Variants in PABPC4L observed in about 807,000 individuals in gnomAD.
PABPC4L encodes polyadenylate-binding protein 4-like.
For synonymous variants in PABPC4L, 169 were observed against 164.1 expected (o/e 1.03, Z -0.23); for missense variants, 452 against 451.4 (o/e 1.00, Z -0.01).
the PABPC4L span, among the ~76,000 whole-genome samples, chr4:133,986,934 G>C: frequency 2.0e-5 from 3 of 151,762 alleles, no homozygotes; most frequent in Admixed American, 2.0e-4. Flanking sequence ...TGGGGTTTTG[G>C]TATGTTGGCC....
At chr4:133,961,998 G>A in the PABPC4L span, among the ~76,000 whole-genome samples, 1 of 152,150 alleles carries the variant, frequency 6.6e-6, no homozygotes, top group Non-Finnish European at 1.5e-5. Flanking sequence ...CCGCCATCTT[G>A]GAAGCAGCCT....
At chr4:134,135,336 A>T in the PABPC4L span, among the ~76,000 whole-genome samples, 1 of 151,932 alleles carries the variant, frequency 6.6e-6, no homozygotes, top group African/African-American at 2.4e-5. Flanking sequence ...AAATACTCAA[A>T]TTGTCCTTTG....
At chr4:134,043,441 A>C in the PABPC4L span, among the ~76,000 whole-genome samples, 435 of 152,248 alleles carry the variant, frequency 2.9e-3, 4 homozygotes, top group African/African-American at 9.9e-3. Flanking sequence ...GAAATTTGCC[A>C]CATCAGGTGG....
the PABPC4L span, among the ~76,000 whole-genome samples, chr4:134,106,994 C>G: frequency 6.6e-6 from 1 of 151,284 alleles, no homozygotes; most frequent in Non-Finnish European, 1.5e-5. Flanking sequence ...GTATACTAAA[C>G]TAAGTGGAGA....
At chr4:134,191,721 C>T (rs959958672), downstream of PABPC4L, among the ~76,000 whole-genome samples, 24 of 151,682 alleles carry the variant, frequency 1.6e-4, no homozygotes, top group African/African-American at 5.8e-4. Flanking sequence ...ATTGGTTGAC[C>T]CTAAAGCCGT....
the PABPC4L span, among the ~76,000 whole-genome samples, chr4:134,094,005 A>G: frequency 6.6e-6 from 1 of 151,756 alleles, no homozygotes; most frequent in African/African-American, 2.4e-5. Context: ...TTTCCTTTCA[A>G]CTTTCAATCA....
chr4:134,065,521 A>G, the PABPC4L span, among the ~76,000 whole-genome samples: 1 of 151,958 alleles, frequency 6.6e-6, no homozygotes, highest in Non-Finnish European at 1.5e-5. Context: ...AATTAAACAA[A>G]TTTATATTTA....
the PABPC4L span, among the ~76,000 whole-genome samples, chr4:134,179,184 G>T: frequency 6.6e-6 from 1 of 152,020 alleles, no homozygotes; most frequent in Non-Finnish European, 1.5e-5. Flanking sequence ...AATCCCATCG[G>T]GCAAACAGCA....
the PABPC4L span, among the ~76,000 whole-genome samples, chr4:134,065,491 G>T: frequency 1.3e-5 from 2 of 151,580 alleles, no homozygotes; most frequent in Non-Finnish European, 3.0e-5. Context: ...CCTTTGTCTA[G>T]TATCCAAAAT....
chr4:134,050,202 A>G, the PABPC4L span, among the ~76,000 whole-genome samples: 1 of 152,160 alleles, frequency 6.6e-6, no homozygotes, highest in Admixed American at 6.6e-5. Context: ...AGGGACAGCT[A>G]GGGACAGGTT....
Position 134,201,234 on chromosome 4 carries a change from G to C in PABPC4L, c.-215C>G. 1 of 1,535,102 alleles carries C rather than the reference G, an allele frequency of 6.5e-7. No homozygotes were observed. Among genetic ancestry groups the C allele is most frequent in the Non-Finnish European group, 8.8e-7 (1 of 1,138,474 alleles). On this transcript the variant is annotated 5_prime_UTR_variant, in exon 2 of 2. Coordinates refer to ENST00000421491, the MANE Select transcript of PABPC4L (RefSeq NM_001114734.2). ...GCCACCAATCTGGCCCTCCTAGGACGCGGCAACAGAACTGTGAAATCGCAA... is the reference window on the plus strand; with the variant it reads ...GCCACCAATCTGGCCCTCCTAGGACCCGGCAACAGAACTGTGAAATCGCAA...
At chr4:134,183,376 C>T in the PABPC4L span, among the ~76,000 whole-genome samples, 988 of 151,528 alleles carry the variant, frequency 6.5e-3, 10 homozygotes, top group African/African-American at 0.022. Flanking sequence ...GGATATCGTA[C>T]GTTCTCACTT....
the PABPC4L span, among the ~76,000 whole-genome samples, chr4:133,993,030 T>C: frequency 6.6e-6 from 1 of 152,110 alleles, no homozygotes; most frequent in African/African-American, 2.4e-5. Flanking sequence ...CATAAGCATA[T>C]CCTCTTTCCC....
chr4:134,050,784 G>A, the PABPC4L span, among the ~76,000 whole-genome samples: 1 of 145,682 alleles, frequency 6.9e-6, no homozygotes, highest in Admixed American at 6.9e-5. Flanking sequence ...TAATAACAAA[G>A]GTTCAGATGT....
chr4:133,979,610 T>C, the PABPC4L span, among the ~76,000 whole-genome samples: 1 of 152,126 alleles, frequency 6.6e-6, no homozygotes, highest in Admixed American at 6.6e-5. Context: ...TGATATGGCC[T>C]GAAATTATCA....
At chr4:134,109,177 T>A in the PABPC4L span, among the ~76,000 whole-genome samples, 1 of 152,006 alleles carries the variant, frequency 6.6e-6, no homozygotes, top group Non-Finnish European at 1.5e-5. Flanking sequence ...TATCATAAGA[T>A]TTTCTTTAAA....
At chr4:134,188,019 T>G in the PABPC4L span, among the ~76,000 whole-genome samples, 1 of 152,172 alleles carries the variant, frequency 6.6e-6, no homozygotes, top group Admixed American at 6.6e-5. Context: ...TTTCTAACTT[T>G]TATAATTTTA....
At chr4:134,139,131 C>A in the PABPC4L span, among the ~76,000 whole-genome samples, 1 of 151,874 alleles carries the variant, frequency 6.6e-6, no homozygotes, top group African/African-American at 2.4e-5. Context: ...TTTATCAATT[C>A]AACTAAAATG....
chr4:134,069,622 G>A, the PABPC4L span, among the ~76,000 whole-genome samples: 3 of 152,086 alleles, frequency 2.0e-5, no homozygotes, highest in Admixed American at 6.6e-5. Flanking sequence ...GTTAATACTT[G>A]TGATAGTATT....
Sources: gnomAD v4.1 joint callset for allele counts (sites outside exome capture counted in the v4.1 genomes callset) on GRCh38, gnomAD v4.1.1 for gene constraint, MANE v1.5 for transcripts, NCBI Gene and HGNC (gene_info 2026-07-23, HGNC 2026-07-21) for gene names.